IRAG1: variants seen among roughly 807,000 people sequenced by gnomAD.
The protein encoded by IRAG1 is inositol 1,4,5-triphosphate receptor associated 1.
A neutral mutation model predicts 106.2 loss-of-function variants in IRAG1; 62 were observed. That is an observed-to-expected ratio of 0.58 (90% CI 0.48 to 0.72). The LOEUF (loss-of-function observed/expected upper bound fraction) is 0.72. IRAG1 is among the 30% of genes least tolerant of loss of function. The pLI, the probability that IRAG1 is intolerant of heterozygous loss-of-function variation, is 0.00. For synonymous variants in IRAG1, 462 were observed against 443.9 expected, an observed-to-expected ratio of 1.04 and a Z score of -0.51; for missense variants, 1,064 against 1,140.7, an observed-to-expected ratio of 0.93 and a Z score of 0.97.
At chr11:10,613,809 G>A (rs933281785) in intron 10 of IRAG1, among the ~76,000 whole-genome samples, 4 of 152,142 alleles carry the variant, frequency 2.6e-5, no homozygotes, top group Non-Finnish European at 5.9e-5. Flanking sequence ...CTTATCTTCC[G>A]TATTCTTGAT....
chr11:10,576,482 C>T lies in IRAG1; in HGVS notation c.2589G>A (p.Leu863=). ...AGAGCCCCAGCACAACAGTCAAGAC[C>T]AGCATCACTGCAGCCATCATCCAGA... The part of the protein sequence containing the change: ...QVIWMMAAVM[L]VLTVVLGLYN... The change falls in exon 21 of 21, where the codon CTG becomes CTA. Residue 863 remains leucine, a synonymous_variant. Transcript: ENST00000423302. 6.2e-7 allele frequency: 1 copy of T among 1,614,040 alleles called. No homozygotes were observed. The highest frequency in any genetic ancestry group is 1.1e-5 in the South Asian group (1 of 91,086).
intron 10 of IRAG1, among the ~76,000 whole-genome samples, chr11:10,614,251 A>T (rs755261405): frequency 1.3e-3 from 199 of 152,270 alleles, no homozygotes; most frequent in Non-Finnish European, 2.4e-3. Context: ...CTGTGAGTAT[A>T]AACCTATTCC....
chr11:10,575,333 A>C lies in IRAG1; in HGVS notation c.*999T>G, dbSNP rs932805663. On this transcript the variant is annotated 3_prime_UTR_variant, in exon 21 of 21. Coordinates refer to ENST00000423302, the MANE Select transcript of IRAG1 (RefSeq NM_130385.4). ...AGAGTAAGAGACTGAAGCAGAAAGC[A>C]CATCTTCTCTCCTCATTCACCTGTG... 6.6e-6 allele frequency: 1 copy of C among 152,268 alleles called. No individual in the cohort carries two copies. The highest frequency in any genetic ancestry group is 1.5e-5 in the Non-Finnish European group (1 of 68,050). 9.4% of individuals were successfully genotyped at this position (152,268 alleles called of 1,614,324 possible).
intron 14 of IRAG1, among the ~76,000 whole-genome samples, chr11:10,602,610 T>G (rs1331040907): frequency 1.3e-5 from 2 of 152,366 alleles, no homozygotes; most frequent in East Asian, 3.9e-4. Context: ...TCTGAGACTC[T>G]GCATCTTCAT....
chr11:10,629,231 T>G (rs2134605084), intron 5 of IRAG1, among the ~76,000 whole-genome samples: 1 of 152,216 alleles, frequency 6.6e-6, no homozygotes, highest in Admixed American at 6.5e-5. Flanking sequence ...AACTTTTTGC[T>G]CAGGAAGAAA....
chr11:10,595,753 A>G (rs1332645750), intron 15 of IRAG1: 1 of 152,122 alleles, frequency 6.6e-6, no homozygotes, highest in Non-Finnish European at 1.5e-5. Flanking sequence ...CATTACATAA[A>G]CTTGTCATGA....
At chr11:10,611,578 C>G (rs1028979739) in intron 10 of IRAG1, 3 of 151,944 alleles carry the variant, frequency 2.0e-5, no homozygotes, top group African/African-American at 7.3e-5. Flanking sequence ...AAATTAACAA[C>G]AAAAAATTTC....
chr11:10,682,173 A>G (rs1418874965), intron 1 of IRAG1, among the ~76,000 whole-genome samples: 1 of 152,274 alleles, frequency 6.6e-6, no homozygotes, highest in East Asian at 1.9e-4. Flanking sequence ...AGAACTTAAC[A>G]TAGTATTTAG....
At chr11:10,664,191 C>A (rs1429011281) in intron 1 of IRAG1, among the ~76,000 whole-genome samples, 1 of 152,112 alleles carries the variant, frequency 6.6e-6, no homozygotes, top group African/African-American at 2.4e-5. Flanking sequence ...CTCACGGCAT[C>A]CCCTGGGGTA....
chr11:10,674,840 G>T (rs1037755643), intron 1 of IRAG1, among the ~76,000 whole-genome samples: 1 of 152,186 alleles, frequency 6.6e-6, no homozygotes, highest in African/African-American at 2.4e-5. Flanking sequence ...CTCTTGCCCG[G>T]GTCCCTCTTC....
intron 18 of IRAG1, chr11:10,589,186 TC>T (rs1487555672): frequency 6.6e-6 from 1 of 152,182 alleles, no homozygotes; most frequent in Non-Finnish European, 1.5e-5. Flanking sequence ...CCAGTGCCCT[TC>T]CTGCTTTGTC....
At chr11:10,650,867 T>C (rs1315331512) in intron 2 of IRAG1, among the ~76,000 whole-genome samples, 2 of 152,198 alleles carry the variant, frequency 1.3e-5, no homozygotes, top group Non-Finnish European at 2.9e-5. Flanking sequence ...CCGATGAGCT[T>C]GGGATATGCA....
In IRAG1 at chr11:10,623,870, G is replaced by T. The variant is rs538650131; in HGVS notation, c.1369-14C>A. 9 of 1,611,048 alleles carry T rather than the reference G, an allele frequency of 5.6e-6. No homozygotes were observed. The Admixed American group carries it at 6.7e-5, about 12-fold the overall frequency. On this transcript the variant is annotated splice_polypyrimidine_tract_variant and intron_variant, in intron 9 of 20. Transcript: ENST00000423302. Reference sequence around the variant, plus strand: ...CAGGATGTGCTCCTTTGTGGTAAAAGAAAGAGATAACAATTTCAGATGATG... The same window carrying T: ...CAGGATGTGCTCCTTTGTGGTAAAATAAAGAGATAACAATTTCAGATGATG...
chr11:10,593,917 T>G (rs1268364520), intron 16 of IRAG1: 4 of 584,680 alleles, frequency 6.8e-6, no homozygotes, highest in Non-Finnish European at 1.2e-5. Flanking sequence ...ATATGAAGGC[T>G]TATGATCACT....
intron 13 of IRAG1, among the ~76,000 whole-genome samples, chr11:10,604,140 A>G (rs1468785467): frequency 6.6e-6 from 1 of 152,144 alleles, no homozygotes; most frequent in Non-Finnish European, 1.5e-5. Flanking sequence ...TGGCGCCTGA[A>G]AGTAGGAGTC....
intron 18 of IRAG1, among the ~76,000 whole-genome samples, chr11:10,584,472 T>C (rs1851719188): frequency 6.6e-6 from 1 of 150,670 alleles, no homozygotes; most frequent in South Asian, 2.1e-4. Flanking sequence ...TGCAGTTTCC[T>C]ATTTATCCAA....
intron 1 of IRAG1, among the ~76,000 whole-genome samples, chr11:10,674,985 C>T (rs1392209456): frequency 6.6e-6 from 1 of 152,194 alleles, no homozygotes; most frequent in African/African-American, 2.4e-5. Flanking sequence ...CTTTGGACGC[C>T]GTGCACTGGC....
At chr11:10,596,256 G>T (rs1853296890) in intron 15 of IRAG1, among the ~76,000 whole-genome samples, 2 of 152,162 alleles carry the variant, frequency 1.3e-5, no homozygotes, top group African/African-American at 4.8e-5. Flanking sequence ...TTTCTCAATT[G>T]TCTCCAAATA....
At chr11:10,671,091 T>C (rs4909946) in intron 1 of IRAG1, among the ~76,000 whole-genome samples, 62,235 of 152,026 alleles carry the variant, frequency 0.41, 13,190 homozygotes, top group African/African-American at 0.5. Flanking sequence ...ATAATTGCTT[T>C]AGTATTTTTC....
Sources: allele counts gnomAD v4.1 joint callset (sites outside exome capture counted in the v4.1 genomes callset), GRCh38; gene constraint gnomAD v4.1.1; transcripts MANE v1.5; gene names NCBI Gene and HGNC (gene_info 2026-07-23, HGNC 2026-07-21).